Variants in EFNA5 observed in about 807,000 individuals in gnomAD.
The protein encoded by EFNA5 is ephrin-A5.
Under a neutral mutation model 22.9 loss-of-function variants are expected in EFNA5, and 5 were observed. The observed-to-expected ratio is 0.22, with a 90% CI of 0.11 to 0.46. The LOEUF is 0.46. EFNA5 is among the 20% of genes least tolerant of loss of function. EFNA5 has a pLI of 0.99. For synonymous variants in EFNA5, 113 were observed against 112.2 expected, an observed-to-expected ratio of 1.01 and a Z score of -0.04; for missense variants, 237 against 293.3, an observed-to-expected ratio of 0.81 and a Z score of 1.40.
chr5:107,544,735 C>A (rs80109384), intron 1 of EFNA5, among the ~76,000 whole-genome samples: 4,597 of 152,230 alleles, frequency 0.03, 207 homozygotes, highest in African/African-American at 0.1. Context: ...AGAATTATTT[C>A]TTTACTTGCC....
At chr5:107,453,216 A>AAC (rs1430433986) in intron 1 of EFNA5, among the ~76,000 whole-genome samples, 7 of 152,182 alleles carry the variant, frequency 4.6e-5, no homozygotes, top group Non-Finnish European at 7.4e-5. Flanking sequence ...GAAAGATGTG[A>AAC]AGGCTATTTA....
intron 1 of EFNA5, among the ~76,000 whole-genome samples, chr5:107,625,949 T>C (rs567592272): frequency 2.6e-5 from 4 of 152,332 alleles, no homozygotes; most frequent in Non-Finnish European, 5.9e-5. Flanking sequence ...ATCTCCTCAT[T>C]ACTATAGCTA....
intron 2 of EFNA5, among the ~76,000 whole-genome samples, chr5:107,408,328 A>G (rs894502807): frequency 1.3e-5 from 2 of 152,200 alleles, no homozygotes; most frequent in African/African-American, 4.8e-5. Context: ...CCTCACAGCT[A>G]TCTTTTCAAA....
At chr5:107,617,744 T>C (rs566261011) in intron 1 of EFNA5, among the ~76,000 whole-genome samples, 1 of 152,308 alleles carries the variant, frequency 6.6e-6, no homozygotes, top group Admixed American at 6.5e-5. Flanking sequence ...TGGACTGAAG[T>C]GCTCTGTTGC....
At chr5:107,595,663 C>T (rs1355404615) in intron 1 of EFNA5, among the ~76,000 whole-genome samples, 4 of 152,144 alleles carry the variant, frequency 2.6e-5, no homozygotes, top group Non-Finnish European at 5.9e-5. Context: ...CCTGCAATGC[C>T]GGGGGTAACA....
intron 1 of EFNA5, among the ~76,000 whole-genome samples, chr5:107,559,335 C>T (rs1167727886): frequency 6.6e-6 from 1 of 152,160 alleles, no homozygotes. Flanking sequence ...TCATTTGACT[C>T]TTTCATATAT....
chr5:107,468,035 C>T (rs762071394), intron 1 of EFNA5, among the ~76,000 whole-genome samples: 5 of 152,190 alleles, frequency 3.3e-5, no homozygotes, highest in South Asian at 2.1e-4. Context: ...GATCACACTT[C>T]GTTTAATGCT....
At chr5:107,558,035 C>A (rs1347025268) in intron 1 of EFNA5, among the ~76,000 whole-genome samples, 1 of 151,984 alleles carries the variant, frequency 6.6e-6, no homozygotes, top group Non-Finnish European at 1.5e-5. Flanking sequence ...TAGAATAGTG[C>A]CTGGCACATG....
At chr5:107,634,273 T>C (rs1003737617) in intron 1 of EFNA5, among the ~76,000 whole-genome samples, 3 of 152,144 alleles carry the variant, frequency 2.0e-5, no homozygotes, top group Non-Finnish European at 4.4e-5. Flanking sequence ...CCAAGCACTT[T>C]GGAAGGCCAA....
chr5:107,660,374 A>G (rs938096841), intron 1 of EFNA5, among the ~76,000 whole-genome samples: 12 of 144,124 alleles, frequency 8.3e-5, no homozygotes, highest in Non-Finnish European at 1.8e-4. Flanking sequence ...TATTAATGAC[A>G]AGCATATGGT....
chr5:107,447,875 T>C (rs1335291675), intron 1 of EFNA5, among the ~76,000 whole-genome samples: 2 of 149,920 alleles, frequency 1.3e-5, no homozygotes, highest in East Asian at 3.9e-4. Context: ...TGAGATGGAG[T>C]CTGGTTCTGT....
chr5:107,569,559 T>TATATA (rs1748742560), intron 1 of EFNA5, among the ~76,000 whole-genome samples: 4 of 42,524 alleles, frequency 9.4e-5, no homozygotes, highest in Admixed American at 5.3e-4. Flanking sequence ...ATATATATAT[T>TATATA]TATATATATA....
intron 1 of EFNA5, among the ~76,000 whole-genome samples, chr5:107,440,091 T>A (rs2112434742): frequency 6.6e-6 from 1 of 152,290 alleles, no homozygotes; most frequent in Middle Eastern, 3.4e-3. Context: ...AGGATATCCA[T>A]TCATACAGCT....
intron 1 of EFNA5, among the ~76,000 whole-genome samples, chr5:107,589,009 C>T (rs1580545605): frequency 1.3e-5 from 2 of 152,272 alleles, no homozygotes; most frequent in East Asian, 3.9e-4. Context: ...CCAACATATC[C>T]TGGAACTGCC....
At chr5:107,610,557 C>G (rs543942979) in intron 1 of EFNA5, among the ~76,000 whole-genome samples, 6 of 152,294 alleles carry the variant, frequency 3.9e-5, no homozygotes, top group Admixed American at 2.0e-4. Flanking sequence ...CCACTCTATT[C>G]CTTTGATAAA....
intron 2 of EFNA5, among the ~76,000 whole-genome samples, chr5:107,394,398 G>C (rs946151356): frequency 6.6e-6 from 1 of 152,150 alleles, no homozygotes; most frequent in Non-Finnish European, 1.5e-5. Context: ...TAGAAACTTT[G>C]ATATGACTCT....
chr5:107,667,706 A>C (rs906693348), intron 1 of EFNA5, among the ~76,000 whole-genome samples: 2 of 152,224 alleles, frequency 1.3e-5, no homozygotes, highest in Non-Finnish European at 2.9e-5. Flanking sequence ...TTTAAGTTGC[A>C]ATTAAAGTCC....
At position 107,549,558 on chromosome 5, in the gene EFNA5, C is replaced by T. The variant is rs539463008; in HGVS notation, c.125+120931G>A. On this transcript the variant is annotated intron_variant, in intron 1 of 4. Coordinates refer to ENST00000333274, the MANE Select transcript of EFNA5 (RefSeq NM_001962.3). ...GTTCTTTTGAACAGATGGGCCTGGA[C>T]CATCGAATTGTGTGCTCATCCATAC... 1.6e-4 allele frequency among the ~76,000 whole-genome samples: 24 copies of T among 152,346 alleles called. No homozygotes were observed. The South Asian group carries it at 5.0e-3, about 32-fold the overall frequency.
chr5:107,480,475 G>C (rs1310270510), intron 1 of EFNA5, among the ~76,000 whole-genome samples: 1 of 152,226 alleles, frequency 6.6e-6, no homozygotes, highest in African/African-American at 2.4e-5. Flanking sequence ...AAAGGGTAGA[G>C]TTCAAGTTCC....
Sources: gnomAD v4.1 joint callset for allele counts (sites outside exome capture counted in the v4.1 genomes callset) on GRCh38, gnomAD v4.1.1 for gene constraint, MANE v1.5 for transcripts, NCBI Gene and HGNC (gene_info 2026-07-23, HGNC 2026-07-21) for gene names.